Variants in ZNF81 observed in about 807,000 individuals in gnomAD.
ZNF81 encodes zinc finger protein 81.
In ZNF81, 5 loss-of-function variants were observed where a neutral mutation model predicts 32.3. That is an observed-to-expected ratio of 0.15 (90% CI 0.08 to 0.33). The LOEUF is 0.33. Among genes scored for constraint, ZNF81 ranks in the 10% least tolerant of loss-of-function variants. The pLI, the probability that ZNF81 is intolerant of heterozygous loss-of-function variation, is 1.00. For synonymous variants in ZNF81, 163 were observed against 166.8 expected, an observed-to-expected ratio of 0.98 and a Z score of 0.17; for missense variants, 379 against 479.8, an observed-to-expected ratio of 0.79 and a Z score of 1.96.
At chrX:47,874,510 T>G (rs1247507857) in intron 2 of ZNF81, among the ~76,000 whole-genome samples, 1 of 112,447 alleles carries the variant, frequency 8.9e-6, no homozygotes, top group African/African-American at 3.2e-5. Flanking sequence ...GGCTCTTGCC[T>G]GGGCACAGGA....
At chrX:47,856,923 G>A (rs1345141765) in intron 2 of ZNF81, among the ~76,000 whole-genome samples, 3 of 111,310 alleles carry the variant, frequency 2.7e-5, no homozygotes, top group Non-Finnish European at 5.6e-5. Flanking sequence ...TGCAGCCTGC[G>A]TGATACAGCG....
intron 4 of ZNF81, among the ~76,000 whole-genome samples, chrX:47,913,621 C>T (rs1414734971): frequency 9.0e-6 from 1 of 111,599 alleles, no homozygotes; most frequent in Non-Finnish European, 1.9e-5. Context: ...TGTATTGAGC[C>T]AGCTCCATGA....
intron 2 of ZNF81, among the ~76,000 whole-genome samples, chrX:47,847,575 A>T (rs1366046117): frequency 9.0e-6 from 1 of 111,712 alleles, no homozygotes; most frequent in African/African-American, 3.2e-5. Flanking sequence ...TCTCAGTTTG[A>T]TACAGAGCTG....
At chrX:47,895,755 C>A in intron 3 of ZNF81, 90 bp from the exon 4 acceptor site, 1 of 649,910 alleles carries the variant, frequency 1.5e-6, no homozygotes, top group South Asian at 2.3e-5. Context: ...GTGATTATTA[C>A]TCAGTTCCCC....
At chrX:47,888,271 T>TA (rs1390205480) in intron 3 of ZNF81, 146 bp downstream of exon 3, 1 of 822,883 alleles carries the variant, frequency 1.2e-6, no homozygotes, top group African/African-American at 2.1e-5. Flanking sequence ...GTAATCAAGC[T>TA]AAAATGAGAT....
intron 2 of ZNF81, among the ~76,000 whole-genome samples, chrX:47,854,161 T>C (rs782768423): frequency 1.8e-5 from 2 of 112,648 alleles, no homozygotes; most frequent in East Asian, 5.6e-4. Context: ...CTTCTTTCCT[T>C]AAGCCTCACG....
chrX:47,872,916 A>G (rs1231217900), intron 2 of ZNF81, among the ~76,000 whole-genome samples: 4 of 111,126 alleles, frequency 3.6e-5, no homozygotes, highest in African/African-American at 1.3e-4. Context: ...TTAAACCAGT[A>G]TCATTATTCT....
chrX:47,917,095 G>A lies in ZNF81; in HGVS notation c.*463G>A. The A allele has an allele frequency of 3.5e-6, 1 of 284,671 alleles. No homozygotes were observed. Among genetic ancestry groups the A allele is most frequent in the Non-Finnish European group, 6.2e-6 (1 of 162,097 alleles). 23.5% of individuals were successfully genotyped at this position (284,671 alleles called of 1,213,427 possible). On this transcript the variant is annotated 3_prime_UTR_variant, in exon 5 of 5. Transcript: ENST00000338637. ...ACTTTCAGTTCCATAGGGTGTTTGT[G>A]GCAGAACACAGTGCAGAACAGGAGG...
intron 2 of ZNF81, among the ~76,000 whole-genome samples, chrX:47,857,944 C>G (rs1211414971): frequency 9.0e-6 from 1 of 110,779 alleles, no homozygotes; most frequent in African/African-American, 3.3e-5. Flanking sequence ...TTATGCCAAC[C>G]CCTGACCCTC....
rs1291246258 is a variant in ZNF81 at position 47,917,130 on chromosome X, T to C, written c.*498T>C. The C allele has an allele frequency of 7.1e-6, 2 of 281,895 alleles. No individual in the cohort carries two copies. The highest frequency in any genetic ancestry group is 1.2e-5 in the Non-Finnish European group (2 of 161,149). The allele number at this position is 281,895 out of a possible 1,213,427, so 23.2% of individuals were successfully genotyped here. ...AGTGCAGAACAGGAGGAATATTACA[T>C]TTTTTTTCAAATTTAGAATAATTAT... is the stretch of plus-strand genomic sequence containing the variant. On this transcript the variant is annotated 3_prime_UTR_variant, in exon 5 of 5. Transcript: ENST00000338637.
At chrX:47,889,742 G>C (rs1372480805) in intron 3 of ZNF81, among the ~76,000 whole-genome samples, 4 of 112,034 alleles carry the variant, frequency 3.6e-5, no homozygotes, top group African/African-American at 1.3e-4. Context: ...GCCTCAGGAA[G>C]CTTCCAATCA....
intron 4 of ZNF81, among the ~76,000 whole-genome samples, chrX:47,901,743 A>T (rs180741991): frequency 1.2e-5 from 1 of 86,886 alleles, no homozygotes. Flanking sequence ...TTTGAGAGAG[A>T]TTGGTCTTTA....
At chrX:47,889,482 A>G (rs2148030093) in intron 3 of ZNF81, among the ~76,000 whole-genome samples, 1 of 112,236 alleles carries the variant, frequency 8.9e-6, no homozygotes, top group East Asian at 2.8e-4. Context: ...GGGGGGACCC[A>G]TTGCCTCCTT....
intron 2 of ZNF81, among the ~76,000 whole-genome samples, chrX:47,854,071 G>T (rs1198138146): frequency 8.9e-6 from 1 of 112,564 alleles, no homozygotes; most frequent in African/African-American, 3.2e-5. Context: ...AGATCTTCTG[G>T]ATAACTTGCT....
At chrX:47,889,989 T>C (rs1384654538) in intron 3 of ZNF81, among the ~76,000 whole-genome samples, 2 of 111,726 alleles carry the variant, frequency 1.8e-5, no homozygotes, top group Non-Finnish European at 3.8e-5. Context: ...ATGAGATTTA[T>C]AGGGGACAAA....
intron 2 of ZNF81, among the ~76,000 whole-genome samples, chrX:47,855,216 T>TA (rs782551500): frequency 1.9e-3 from 208 of 109,431 alleles, no homozygotes; most frequent in Non-Finnish European, 3.6e-3. Context: ...TCTTCCACCT[T>TA]AAAAAAAAGA....
chrX:47,914,609 C>A (rs2058749813), intron 4 of ZNF81, among the ~76,000 whole-genome samples: 1 of 111,772 alleles, frequency 8.9e-6, no homozygotes, highest in Non-Finnish European at 1.9e-5. Context: ...GTTATACCAT[C>A]TGGGTTTTTA....
chrX:47,843,732 C>T (rs781977590), intron 1 of ZNF81, among the ~76,000 whole-genome samples: 2 of 111,597 alleles, frequency 1.8e-5, no homozygotes, highest in Admixed American at 9.5e-5. Flanking sequence ...ACCATGTTGC[C>T]CAGGTTGGGC....
chrX:47,904,715 A>G (rs1201874597), intron 4 of ZNF81, among the ~76,000 whole-genome samples: 4 of 112,091 alleles, frequency 3.6e-5, no homozygotes, highest in Non-Finnish European at 3.8e-5. Flanking sequence ...ATTACTGGGT[A>G]TATACCCAAA....
Sources: allele counts gnomAD v4.1 joint callset (sites outside exome capture counted in the v4.1 genomes callset), GRCh38; gene constraint gnomAD v4.1.1; transcripts MANE v1.5; gene names NCBI Gene and HGNC (gene_info 2026-07-23, HGNC 2026-07-21).